The following APOH variants were observed in gnomAD, a reference collection of about 807,000 sequenced individuals.
APOH encodes beta-2-glycoprotein 1.
APOH carries 48 observed loss-of-function variants against 39.8 expected under a neutral mutation model. The observed-to-expected ratio is 1.21, with a 90% confidence interval of 0.96 to 1.54. The LOEUF is 1.54. APOH is among the 40% of genes most tolerant of loss of function. The pLI, the probability that APOH is intolerant of heterozygous loss-of-function variation, is 0.00. For missense variants in APOH, 415 were observed against 421.2 expected (o/e 0.99, Z 0.13); for synonymous variants, 153 against 151.1 (o/e 1.01, Z -0.09).
rs759659696 is a variant in APOH at position 66,221,293 on chromosome 17, G to GGAAGGAAA, written c.416-552_416-551insTTTCCTTC. Among the ~76,000 whole-genome samples, 21 of 121,334 alleles carry GGAAGGAAA rather than the reference G, an allele frequency of 1.7e-4. 1 individual carries two copies. The highest frequency in any genetic ancestry group is 6.5e-4 in the African/African-American group (20 of 30,982). The allele number at this position is 121,334 out of a possible 152,430, so 79.6% of individuals were successfully genotyped here. On this transcript the variant is annotated intron_variant, in intron 4 of 7. Coordinates refer to ENST00000205948, the MANE Select transcript of APOH (RefSeq NM_000042.3). ...AGGAAGGAAGGAAGGAAGGAAGGAAGTCAGAAGGGAGGGAGGGAGGGAAGA... is the reference window on the plus strand; with the variant it reads ...AGGAAGGAAGGAAGGAAGGAAGGAAGGAAGGAAATCAGAAGGGAGGGAGGGAGGGAAGA...
Position 66,220,718 on chromosome 17 carries a change from A to G in APOH, c.440T>C (p.Ile147Thr), listed in dbSNP as rs778376077. ...CAPIICPPPS[I>T]PTFATLRVYK... is the part of the protein sequence containing the mutation. ...AACACGAAGTGTTGCAAACGTAGGT[A>G]TGGATGGTGGAGGGCAGATGATGGC... The change falls in exon 5 of 8, where the codon ATA (isoleucine) becomes ACA (threonine). Residue 147 changes from isoleucine to threonine, a missense_variant. Around this residue, in one of 3 missense-constraint regions of APOH, gnomAD observed 288 missense variants for 284.9 expected, o/e 1.01. Coordinates refer to ENST00000205948, the MANE Select transcript of APOH (RefSeq NM_000042.3). The G allele has an allele frequency of 1.9e-6, 3 of 1,613,512 alleles. No individual in the cohort carries two copies. Among genetic ancestry groups the G allele is most frequent in the Non-Finnish European group, 2.5e-6 (3 of 1,179,524 alleles).
At position 66,228,109 on chromosome 17, in the gene APOH, C is replaced by A. The variant is rs1166600072; in HGVS notation, c.152G>T (p.Cys51Phe). Residue 51 changes from cysteine (C) to phenylalanine (F), a missense_variant, in exon 2 of 8, where the codon TGC (cysteine) becomes TTC (phenylalanine). By Grantham distance (205) the Cys-to-Phe change is radical. Transcript: ENST00000205948. ...YEPGEEITYSCKPGYVSRGGM... is the reference protein window; with the variant it reads ...YEPGEEITYSFKPGYVSRGGM... ...TCCTCGGGACACATAGCCCGGCTTG[C>A]AGGAATACGTAATCTCTTCTCCTGG... The A allele has an allele frequency of 6.2e-7, 1 of 1,614,192 alleles. No individual in the cohort carries two copies. The highest frequency in any genetic ancestry group is 8.5e-7 in the Non-Finnish European group (1 of 1,180,030).
chr17:66,229,278 A>T (rs747478697), intron 1 of APOH, 38 bp downstream of exon 1: 48 of 1,536,612 alleles, frequency 3.1e-5, no homozygotes, highest in Non-Finnish European at 4.1e-5. Flanking sequence ...AAGGGGTTGG[A>T]TATATTAATT....
chr17:66,213,416 A>G (rs1421943933), intron 7 of APOH, among the ~76,000 whole-genome samples: 1 of 152,228 alleles, frequency 6.6e-6, no homozygotes. Context: ...AACTCTACGA[A>G]TTGCTTGAGA....
At position 66,226,058 on chromosome 17, in the gene APOH, G is replaced by T; in HGVS notation, c.308C>A (p.Pro103His). 1 of 1,613,420 alleles carries T rather than the reference G, an allele frequency of 6.2e-7. No individual in the cohort carries two copies. The highest frequency in any genetic ancestry group is 8.5e-7 in the Non-Finnish European group (1 of 1,179,634). ...GAVRYTTFEY[P>H]NTISFSCNTG... is the part of the protein sequence containing the mutation. ...GTTACAAGAAAAACTGATCGTGTTG[G>T]GATATTCAAAAGTCGTATAGCGTAC... Residue 103 changes from proline (P) to histidine (H), a missense_variant, in exon 3 of 8, where the codon CCC becomes CAC. Coordinates refer to ENST00000205948, the MANE Select transcript of APOH (RefSeq NM_000042.3).
chr17:66,216,457 C>A (rs935127122), intron 6 of APOH, among the ~76,000 whole-genome samples: 1 of 148,246 alleles, frequency 6.7e-6, no homozygotes, highest in Non-Finnish European at 1.5e-5. Flanking sequence ...GCACTCCAGC[C>A]TGGGCGACAG....
At chr17:66,217,344 A>AACCC (rs2073371764) in intron 5 of APOH, among the ~76,000 whole-genome samples, 1 of 125,806 alleles carries the variant, frequency 7.9e-6, no homozygotes, top group Non-Finnish European at 1.7e-5. Flanking sequence ...CAAAGACTGA[A>AACCC]CCCCCCCCCC....
At chr17:66,217,355 C>CCA (rs1555572252) in intron 5 of APOH, among the ~76,000 whole-genome samples, 3 of 137,948 alleles carry the variant, frequency 2.2e-5, no homozygotes, top group Non-Finnish European at 4.7e-5. Context: ...CCCCCCCCCC[C>CCA]ATTCACACTT....
chr17:66,226,177 A>C (rs1190133615), intron 2 of APOH, 53 bp from the exon 3 acceptor site: 17 of 1,265,842 alleles, frequency 1.3e-5, no homozygotes, highest in Non-Finnish European at 1.8e-5. Flanking sequence ...AAAAAAACAT[A>C]AACAGGTAAA....
At chr17:66,227,857 T>C (rs1567743026) in intron 2 of APOH, among the ~76,000 whole-genome samples, 163 bp downstream of exon 2, 1 of 152,148 alleles carries the variant, frequency 6.6e-6, no homozygotes, top group Non-Finnish European at 1.5e-5. Context: ...CTTACTCTCT[T>C]TGCACAGAGA....
intron 6 of APOH, 76 bp downstream of exon 6, chr17:66,216,712 A>G: frequency 7.1e-7 from 1 of 1,414,264 alleles, no homozygotes; most frequent in South Asian, 1.5e-5. Context: ...AAGTGTTGGA[A>G]CAAGAAAATA....
intron 2 of APOH, among the ~76,000 whole-genome samples, chr17:66,226,957 C>G (rs1468870924): frequency 1.3e-5 from 2 of 151,742 alleles, no homozygotes; most frequent in Admixed American, 6.6e-5. Context: ...GGCACAATCT[C>G]AGCTCACTAC....
In APOH at chr17:66,226,078, G is replaced by A. The variant is rs1362336860; in HGVS notation, c.288C>T (p.Arg96=). 2.5e-6 allele frequency: 4 copies of A among 1,613,712 alleles called. No individual in the cohort carries two copies. The highest frequency in any genetic ancestry group is 3.4e-6 in the Non-Finnish European group (4 of 1,179,832). The change falls in exon 3 of 8, where the codon CGC becomes CGT. Residue 96 remains arginine (R), a synonymous_variant. Transcript: ENST00000205948. ...FAGILENGAV[R]YTTFEYPNTI... is the part of the protein sequence containing the mutation. ...TGTTGGGATATTCAAAAGTCGTATA[G>A]CGTACGGCTCCATTTTCTAAGATTC...
intron 3 of APOH, among the ~76,000 whole-genome samples, chr17:66,224,482 AAAAAAAAAAG>A (rs1219257196): frequency 2.7e-5 from 4 of 146,470 alleles, no homozygotes; most frequent in African/African-American, 1.0e-4. Flanking sequence ...AAAAAAAAAA[AAAAAAAAAAG>A]AAAAGAAAAG....
At chr17:66,227,468 GAAAT>G (rs2073446902) in intron 2 of APOH, among the ~76,000 whole-genome samples, 1 of 152,022 alleles carries the variant, frequency 6.6e-6, no homozygotes, top group African/African-American at 2.4e-5. Context: ...CATGTTCTAA[GAAAT>G]AAATAAAAGC....
chr17:66,227,188 T>C (rs1269315972), intron 2 of APOH, among the ~76,000 whole-genome samples: 1 of 152,136 alleles, frequency 6.6e-6, no homozygotes, highest in East Asian at 1.9e-4. Flanking sequence ...CTGGCCCTGA[T>C]TTAAAGAAAA....
At chr17:66,227,891 T>G in intron 2 of APOH, 129 bp downstream of exon 2, 1 of 935,688 alleles carries the variant, frequency 1.1e-6, no homozygotes, top group Non-Finnish European at 1.6e-6. Context: ...CCTTCTCATT[T>G]CTCTCCAACC....
chr17:66,220,796 T>A, intron 4 of APOH, 54 bp from the exon 5 acceptor site: 1 of 1,474,108 alleles, frequency 6.8e-7, no homozygotes. Flanking sequence ...CTTTTAAATA[T>A]ACTCTTTCCA....
At chr17:66,225,979 C>A in intron 3 of APOH, 49 bp downstream of exon 3, 1 of 1,354,766 alleles carries the variant, frequency 7.4e-7, no homozygotes, top group Non-Finnish European at 1.0e-6. Flanking sequence ...CTTAAGGATA[C>A]AAAAATGTGC....
Sources: allele counts gnomAD v4.1 joint callset (sites outside exome capture counted in the v4.1 genomes callset), GRCh38; gene constraint gnomAD v4.1.1; regional missense constraint gnomAD v4.1.1; transcripts MANE v1.5; gene names NCBI Gene and HGNC (gene_info 2026-07-23, HGNC 2026-07-21).